ARID5B: variants seen among roughly 807,000 people sequenced by gnomAD.
ARID5B encodes AT-rich interaction domain 5B.
In ARID5B, 13 loss-of-function variants were observed where a neutral mutation model predicts 97.2. That is an observed-to-expected ratio of 0.13 (90% CI 0.09 to 0.21). The LOEUF is 0.21. ARID5B is among the 10% of genes least tolerant of loss of function. The pLI is 1.00. For missense variants in ARID5B, 1,210 were observed against 1,465.3 expected, an observed-to-expected ratio of 0.83 and a Z score of 2.84; for synonymous variants, 556 against 570.3, an observed-to-expected ratio of 0.97 and a Z score of 0.36.
At chr10:61,963,050 T>C (rs1838494379) in intron 3 of ARID5B, among the ~76,000 whole-genome samples, 1 of 151,540 alleles carries the variant, frequency 6.6e-6, no homozygotes, top group Non-Finnish European at 1.5e-5. Flanking sequence ...TGTGCAACTC[T>C]ACCAATGGAC....
chr10:62,085,051 G>C (rs7906079), intron 8 of ARID5B, among the ~76,000 whole-genome samples: 126,129 of 152,192 alleles, frequency 0.83, 52,449 homozygotes, highest in African/African-American at 0.9. Context: ...AAAATAAAAT[G>C]TTTTCAGATG....
At chr10:61,983,013 A>G (rs928129283) in intron 3 of ARID5B, among the ~76,000 whole-genome samples, 2 of 152,008 alleles carry the variant, frequency 1.3e-5, no homozygotes, top group African/African-American at 4.8e-5. Flanking sequence ...GATCTCAGAG[A>G]CTCTTTCTTG....
intron 2 of ARID5B, among the ~76,000 whole-genome samples, chr10:61,904,133 A>T (rs910845634): frequency 1.4e-5 from 2 of 140,580 alleles, no homozygotes; most frequent in Non-Finnish European, 1.5e-5. Context: ...TTGCTTTTCA[A>T]ATTTATTACT....
intron 3 of ARID5B, among the ~76,000 whole-genome samples, chr10:61,975,037 G>A (rs1441476452): frequency 1.3e-5 from 2 of 151,850 alleles, no homozygotes; most frequent in African/African-American, 4.9e-5. Context: ...GACCTTTTAG[G>A]AAATGAATAG....
At chr10:61,974,560 T>C (rs1838674174) in intron 3 of ARID5B, among the ~76,000 whole-genome samples, 1 of 152,210 alleles carries the variant, frequency 6.6e-6, no homozygotes, top group South Asian at 2.1e-4. Flanking sequence ...TTGAGTAATC[T>C]CAGAGTTCCT....
chr10:62,027,285 CTTTTTTTTTTTTTTTTTTTTTTTTTTTTT>C (rs777291593), intron 4 of ARID5B, among the ~76,000 whole-genome samples: 2 of 67,370 alleles, frequency 3.0e-5, no homozygotes, highest in East Asian at 9.0e-4. Flanking sequence ...ACAGTATCTC[CTTTTTTTTTTTTTTTTTTTTTTTTTTTTT>C]TTTTTTTTTT....
At chr10:62,043,089 T>C (rs541204846) in intron 4 of ARID5B, among the ~76,000 whole-genome samples, 17 of 152,208 alleles carry the variant, frequency 1.1e-4, no homozygotes, top group African/African-American at 4.1e-4. Context: ...CCACGTCCAC[T>C]TCTTACAAGG....
At chr10:61,975,107 G>C (rs1838681550) in intron 3 of ARID5B, among the ~76,000 whole-genome samples, 1 of 151,908 alleles carries the variant, frequency 6.6e-6, no homozygotes, top group South Asian at 2.1e-4. Flanking sequence ...AATTTGACTT[G>C]TTCTATAAAT....
At chr10:61,920,629 A>G (rs1030139181) in intron 2 of ARID5B, among the ~76,000 whole-genome samples, 1 of 152,130 alleles carries the variant, frequency 6.6e-6, no homozygotes, top group East Asian at 1.9e-4. Flanking sequence ...AGTAGATGGA[A>G]AAAAAAGGAA....
intron 7 of ARID5B, among the ~76,000 whole-genome samples, chr10:62,064,829 A>G (rs1484735754): frequency 6.6e-6 from 1 of 152,118 alleles, no homozygotes; most frequent in Non-Finnish European, 1.5e-5. Context: ...GCTGGAGTGC[A>G]GTGGCATGAT....
At chr10:61,965,296 A>C (rs541405427) in intron 3 of ARID5B, among the ~76,000 whole-genome samples, 20 of 152,288 alleles carry the variant, frequency 1.3e-4, no homozygotes, top group Admixed American at 5.2e-4. Context: ...TCCCTCTTTA[A>C]AGATAATAGG....
chr10:61,907,049 GAA>G (rs1843719411), intron 2 of ARID5B, among the ~76,000 whole-genome samples: 1 of 152,208 alleles, frequency 6.6e-6, no homozygotes, highest in Non-Finnish European at 1.5e-5. Flanking sequence ...GGAGCTTACT[GAA>G]AAGTTTTTCC....
chr10:61,989,837 C>T (rs1345115254), intron 3 of ARID5B, among the ~76,000 whole-genome samples: 1 of 152,106 alleles, frequency 6.6e-6, no homozygotes, highest in Admixed American at 6.5e-5. Context: ...AGGGAAAGAT[C>T]AAAAGGCTAT....
chr10:61,953,826 A>G (rs150305819), intron 3 of ARID5B, among the ~76,000 whole-genome samples: 3 of 152,326 alleles, frequency 2.0e-5, no homozygotes, highest in Non-Finnish European at 4.4e-5. Context: ...TTGGTCAACA[A>G]TATTAGTTTC....
intron 7 of ARID5B, among the ~76,000 whole-genome samples, chr10:62,066,172 G>A (rs1053906789): frequency 6.6e-6 from 1 of 152,182 alleles, no homozygotes; most frequent in Non-Finnish European, 1.5e-5. Context: ...TACAGAAGGC[G>A]GATTTACATG....
chr10:62,092,229 G>A lies in ARID5B; in HGVS notation c.2766G>A (p.Leu922=), dbSNP rs1840389782. The A allele has an allele frequency of 6.2e-7, 1 of 1,610,576 alleles. No individual in the cohort carries two copies. The highest frequency in any genetic ancestry group is 8.5e-7 in the Non-Finnish European group (1 of 1,178,538). The part of the protein sequence containing the change: ...KNPHKPTGKV[L]GLAHSTTGPQ... ...CGCACAAACCTACCGGCAAGGTCCT[G>A]GGCCTGGCTCATTCCACCACAGGGC... The change falls in exon 10 of 10, where the codon CTG becomes CTA. Residue 922 remains leucine, a synonymous_variant. Transcript: ENST00000279873.
intron 3 of ARID5B, among the ~76,000 whole-genome samples, chr10:61,958,204 A>G (rs1331967429): frequency 6.6e-6 from 1 of 152,162 alleles, no homozygotes; most frequent in Non-Finnish European, 1.5e-5. Flanking sequence ...TTGCCTGTGA[A>G]CAACATTGTA....
At chr10:61,911,404 T>G (rs1170389394) in intron 2 of ARID5B, among the ~76,000 whole-genome samples, 5 of 152,206 alleles carry the variant, frequency 3.3e-5, no homozygotes, top group Non-Finnish European at 7.3e-5. Context: ...TTATTAATAG[T>G]CAAAAATATG....
intron 3 of ARID5B, among the ~76,000 whole-genome samples, chr10:61,981,213 A>G (rs1589244830): frequency 6.6e-6 from 1 of 152,288 alleles, no homozygotes; most frequent in Admixed American, 6.5e-5. Flanking sequence ...TGCATGTTCA[A>G]TCAAAGGCAG....
Sources: allele counts gnomAD v4.1 joint callset (sites outside exome capture counted in the v4.1 genomes callset), GRCh38; gene constraint gnomAD v4.1.1; transcripts MANE v1.5; gene names NCBI Gene and HGNC (gene_info 2026-07-23, HGNC 2026-07-21).